SEMA3A: variants seen among roughly 807,000 people sequenced by gnomAD.
The protein encoded by SEMA3A is semaphorin 3A, also known as semaphorin-3A.
In SEMA3A, 29 loss-of-function variants were observed where a neutral mutation model predicts 97.9. The ratio of observed to expected loss-of-function variants is 0.30; its 90% CI spans 0.22 to 0.40. The LOEUF (loss-of-function observed/expected upper bound fraction) is 0.40, where lower values mean the gene tolerates loss of function less well. Ranked by LOEUF, SEMA3A falls within the 10% of genes least tolerant of loss-of-function variation. The pLI is 1.00. For missense variants in SEMA3A, 763 were observed against 951.3 expected (o/e 0.80, Z 2.60); for synonymous variants, 321 against 323.7 (o/e 0.99, Z 0.09).
intron 3 of SEMA3A, among the ~76,000 whole-genome samples, chr7:84,234,613 G>A (rs116419707): frequency 4.6e-5 from 7 of 152,014 alleles, no homozygotes; most frequent in East Asian, 3.9e-4. Flanking sequence ...GCGCTTGGGC[G>A]TCTTCAACTC....
chr7:83,986,879 A>C lies in SEMA3A; in HGVS notation c.1453-1402T>G, dbSNP rs183172495. Among the ~76,000 whole-genome samples, 324 of 152,146 alleles carry C rather than the reference A, an allele frequency of 2.1e-3. 1 individual carries two copies. The highest frequency in any genetic ancestry group is 2.8e-3 in the Non-Finnish European group (192 of 68,006). ...TATGGGGTGGTGATAAGACTGAATG[A>C]ATTAATACATGTAAAACACATTACA... On this transcript the variant is annotated intron_variant, in intron 12 of 16. Coordinates refer to ENST00000265362, the MANE Select transcript of SEMA3A (RefSeq NM_006080.3).
At chr7:84,183,488 A>G (rs2116243430) in intron 1 of SEMA3A, among the ~76,000 whole-genome samples, 1 of 152,070 alleles carries the variant, frequency 6.6e-6, no homozygotes, top group African/African-American at 2.4e-5. Flanking sequence ...AATATATGAA[A>G]AAATACTTTC....
intron 1 of SEMA3A, among the ~76,000 whole-genome samples, chr7:84,150,195 A>C (rs2116110777): frequency 6.6e-6 from 1 of 152,336 alleles, no homozygotes; most frequent in Non-Finnish European, 1.5e-5. Context: ...TACGAAAATA[A>C]TTACCTATGT....
intron 4 of SEMA3A, among the ~76,000 whole-genome samples, chr7:84,081,484 C>T (rs1222620408): frequency 6.6e-6 from 1 of 151,368 alleles, no homozygotes; most frequent in Non-Finnish European, 1.5e-5. Context: ...TCCCAGCTAC[C>T]TGGGAGGCTG....
chr7:84,035,142 ATTAG>A (rs993178261), intron 6 of SEMA3A, among the ~76,000 whole-genome samples: 3 of 152,112 alleles, frequency 2.0e-5, no homozygotes, highest in East Asian at 1.9e-4. Context: ...ACATACATTT[ATTAG>A]TTAAAAACAA....
chr7:84,293,714 A>C (rs561980683), intron 3 of SEMA3A, among the ~76,000 whole-genome samples: 1 of 152,074 alleles, frequency 6.6e-6, no homozygotes, highest in African/African-American at 2.4e-5. Context: ...TACAATTAAT[A>C]TTTTCAAGCA....
chr7:84,003,083 A>C (rs1488497496), intron 11 of SEMA3A, among the ~76,000 whole-genome samples: 1 of 152,132 alleles, frequency 6.6e-6, no homozygotes, highest in African/African-American at 2.4e-5. Context: ...TGTGAAGAAA[A>C]TCTTGTCAAC....
At position 84,020,035 on chromosome 7, in the gene SEMA3A, C is replaced by CTTTTTTTTTTTTTTT. The variant is rs781108685; in HGVS notation, c.668-5699_668-5685dup. Among the ~76,000 whole-genome samples the CTTTTTTTTTTTTTTT allele has an allele frequency of 1.4e-4, 8 of 58,250 alleles. 2 individuals are homozygous for CTTTTTTTTTTTTTTT. The highest frequency in any genetic ancestry group is 5.6e-4 in the East Asian group (1 of 1,772). 38.2% of individuals were successfully genotyped at this position (58,250 alleles called of 152,430 possible). Reference sequence around the variant, plus strand: ...AATATTGTTAATGATTTTTTTCTTTCTTTTTTTTTTTTTTTTTTTTTTTTT... The same window carrying CTTTTTTTTTTTTTTT: ...AATATTGTTAATGATTTTTTTCTTTCTTTTTTTTTTTTTTTTTTTTTTTTTTTTTTTTTTTTTTTT... On this transcript the variant is annotated intron_variant, in intron 6 of 16. Transcript: ENST00000265362.
At chr7:84,009,229 A>C (rs1790783714) in intron 9 of SEMA3A, among the ~76,000 whole-genome samples, 2 of 152,210 alleles carry the variant, frequency 1.3e-5, no homozygotes, top group African/African-American at 4.8e-5. Context: ...ATGCACACTC[A>C]AATTTGAGTC....
intron 1 of SEMA3A, among the ~76,000 whole-genome samples, chr7:84,455,397 T>C (rs938766045): frequency 7.2e-5 from 11 of 152,122 alleles, no homozygotes; most frequent in African/African-American, 2.4e-4. Context: ...TTCCATTCCA[T>C]TGAACAATAA....
chr7:84,072,235 A>G (rs961242403), intron 4 of SEMA3A, among the ~76,000 whole-genome samples: 9 of 152,052 alleles, frequency 5.9e-5, no homozygotes, highest in Admixed American at 4.6e-4. Flanking sequence ...TGGGCCTTGT[A>G]ATTCTTCACC....
chr7:84,456,139 C>A (rs1295391924), intron 1 of SEMA3A, among the ~76,000 whole-genome samples: 2 of 151,802 alleles, frequency 1.3e-5, no homozygotes, highest in Admixed American at 6.6e-5. Flanking sequence ...ATGCGCTTCA[C>A]AACTTAAGAT....
At chr7:84,053,842 G>A (rs201178030) in intron 5 of SEMA3A, among the ~76,000 whole-genome samples, 24,025 of 66,942 alleles carry the variant, frequency 0.36, 6,340 homozygotes, top group East Asian at 0.62. Flanking sequence ...ATTTTGCAGT[G>A]GCTGGTACCG....
At chr7:84,160,339 A>C (rs935969458) in intron 1 of SEMA3A, among the ~76,000 whole-genome samples, 8 of 151,958 alleles carry the variant, frequency 5.3e-5, no homozygotes, top group African/African-American at 1.9e-4. Context: ...TTAACCTTAA[A>C]ATAACTCCAT....
chr7:84,448,330 T>C (rs533436857), intron 1 of SEMA3A, among the ~76,000 whole-genome samples: 1 of 152,092 alleles, frequency 6.6e-6, no homozygotes, highest in Non-Finnish European at 1.5e-5. Context: ...AAGAAAGAAA[T>C]AAAATCCAAG....
At chr7:84,052,713 T>C (rs1792739680) in intron 5 of SEMA3A, among the ~76,000 whole-genome samples, 1 of 151,880 alleles carries the variant, frequency 6.6e-6, no homozygotes, top group Admixed American at 6.6e-5. Flanking sequence ...TCTATTTCCT[T>C]CAGTTCTGCT....
At chr7:84,337,505 G>A (rs1802065917) in intron 2 of SEMA3A, among the ~76,000 whole-genome samples, 1 of 152,118 alleles carries the variant, frequency 6.6e-6, no homozygotes, top group African/African-American at 2.4e-5. Context: ...ATCTGGCAGT[G>A]TTTCAAAACA....
intron 3 of SEMA3A, among the ~76,000 whole-genome samples, chr7:84,118,943 T>C (rs746535036): frequency 2.0e-5 from 3 of 152,144 alleles, no homozygotes; most frequent in Non-Finnish European, 2.9e-5. Flanking sequence ...TGAAAAGATA[T>C]ATCTTACAGC....
intron 12 of SEMA3A, among the ~76,000 whole-genome samples, chr7:83,994,049 G>T (rs1035025490): frequency 6.7e-5 from 10 of 148,916 alleles, no homozygotes; most frequent in Admixed American, 6.7e-5. Flanking sequence ...TTCCCTTCTC[G>T]CCTCATTTCA....
Sources: gnomAD v4.1 joint callset for allele counts (sites outside exome capture counted in the v4.1 genomes callset) on GRCh38, gnomAD v4.1.1 for gene constraint, MANE v1.5 for transcripts, NCBI Gene and HGNC (gene_info 2026-07-23, HGNC 2026-07-21) for gene names.